The following ZRANB3 variants were observed in gnomAD, a reference collection of about 807,000 sequenced individuals.
The protein encoded by ZRANB3 is DNA annealing helicase and endonuclease ZRANB3.
In ZRANB3, 125 loss-of-function variants were observed where a neutral mutation model predicts 133.8. The observed-to-expected ratio is 0.93, with a 90% confidence interval of 0.81 to 1.08. The LOEUF (loss-of-function observed/expected upper bound fraction) is 1.08, where lower values mean the gene tolerates loss of function less well. Among genes scored for constraint, ZRANB3 ranks in the 50% least tolerant of loss-of-function variants. The pLI, the probability that ZRANB3 is intolerant of heterozygous loss-of-function variation, is 0.00. For missense variants in ZRANB3, 1,229 were observed against 1,275.5 expected (o/e 0.96, Z 0.56); for synonymous variants, 387 against 432.7 (o/e 0.89, Z 1.31).
At chr2:135,246,850 A>G (rs1298668852) in intron 12 of ZRANB3, among the ~76,000 whole-genome samples, 1 of 152,232 alleles carries the variant, frequency 6.6e-6, no homozygotes, top group Non-Finnish European at 1.5e-5. Flanking sequence ...AAAAGTTCAG[A>G]GTCCTAATCT....
intron 12 of ZRANB3, among the ~76,000 whole-genome samples, chr2:135,236,006 T>C (rs1009218351): frequency 1.3e-5 from 2 of 152,302 alleles, no homozygotes; most frequent in East Asian, 3.9e-4. Context: ...TTGTCCCTGT[T>C]TGCAGATGAC....
At chr2:135,349,357 G>A (rs556715064) in intron 5 of ZRANB3, among the ~76,000 whole-genome samples, 1 of 152,188 alleles carries the variant, frequency 6.6e-6, no homozygotes, top group Non-Finnish European at 1.5e-5. Context: ...AGTAAACAGA[G>A]CCTCCTTAAA....
At chr2:135,527,584 T>C (rs1186413001) in intron 1 of ZRANB3, among the ~76,000 whole-genome samples, 2 of 152,100 alleles carry the variant, frequency 1.3e-5, no homozygotes, top group African/African-American at 2.4e-5. Flanking sequence ...GTTAAGATGA[T>C]ATATTGTGTT....
At chr2:135,485,139 CAAAACAAACAAAACA>C (rs1692037183) in intron 2 of ZRANB3, among the ~76,000 whole-genome samples, 1 of 149,638 alleles carries the variant, frequency 6.7e-6, no homozygotes, top group African/African-American at 2.5e-5. Context: ...AGAAACAAAA[CAAAACAAACAAAACA>C]AAACAAAACA....
chr2:135,254,245 A>G (rs1679538788), intron 12 of ZRANB3, among the ~76,000 whole-genome samples: 1 of 152,188 alleles, frequency 6.6e-6, no homozygotes, highest in Non-Finnish European at 1.5e-5. Context: ...TTCCTAACAG[A>G]AACTTTCTCA....
intron 2 of ZRANB3, among the ~76,000 whole-genome samples, chr2:135,394,939 A>G (rs932403170): frequency 2.7e-5 from 4 of 146,896 alleles, no homozygotes; most frequent in Admixed American, 2.0e-4. Context: ...CAACATAGCA[A>G]GACCTTGTCT....
chr2:135,414,697 C>G (rs1460158732), intron 2 of ZRANB3, among the ~76,000 whole-genome samples: 8 of 151,972 alleles, frequency 5.3e-5, no homozygotes, highest in East Asian at 1.9e-4. Flanking sequence ...TGACCACATA[C>G]TTGGAAGTAA....
intron 8 of ZRANB3, among the ~76,000 whole-genome samples, chr2:135,305,826 CT>C (rs1411055227): frequency 1.3e-5 from 2 of 151,970 alleles, no homozygotes; most frequent in African/African-American, 4.8e-5. Flanking sequence ...TTCTCCTTTA[CT>C]TTTGAAGGAT....
intron 12 of ZRANB3, among the ~76,000 whole-genome samples, chr2:135,237,776 C>T (rs1180752604): frequency 6.6e-6 from 1 of 151,192 alleles, no homozygotes; most frequent in East Asian, 1.9e-4. Flanking sequence ...GAACATCACA[C>T]ACTGGGGCCT....
At chr2:135,232,224 G>A (rs914850368) in intron 12 of ZRANB3, among the ~76,000 whole-genome samples, 4 of 152,210 alleles carry the variant, frequency 2.6e-5, no homozygotes, top group Admixed American at 1.3e-4. Flanking sequence ...CAAACTGCAA[G>A]GCTGCAGTGA....
chr2:135,415,453 T>A (rs2104960623), intron 2 of ZRANB3, among the ~76,000 whole-genome samples: 1 of 152,204 alleles, frequency 6.6e-6, no homozygotes, highest in African/African-American at 2.4e-5. Flanking sequence ...CCTGAAATTG[T>A]GGCAATAATC....
At chr2:135,222,750 T>TA (rs1215971721) in intron 15 of ZRANB3, among the ~76,000 whole-genome samples, 1 of 151,984 alleles carries the variant, frequency 6.6e-6, no homozygotes, top group Non-Finnish European at 1.5e-5. Context: ...TTATTTTAAA[T>TA]AAAAAATGTT....
At chr2:135,372,089 ACCT>A (rs1330048363) in intron 3 of ZRANB3, among the ~76,000 whole-genome samples, 1 of 151,364 alleles carries the variant, frequency 6.6e-6, no homozygotes, top group Non-Finnish European at 1.5e-5. Flanking sequence ...AATCACCTGA[ACCT>A]GGGAAGCAGA....
intron 2 of ZRANB3, among the ~76,000 whole-genome samples, chr2:135,418,948 T>G (rs1688712026): frequency 8.3e-6 from 1 of 121,108 alleles, no homozygotes; most frequent in African/African-American, 4.3e-5. Context: ...TTTTTTTTTT[T>G]TTTTTTTGAG....
intron 2 of ZRANB3, among the ~76,000 whole-genome samples, chr2:135,446,784 A>G (rs1331842632): frequency 1.3e-5 from 2 of 152,354 alleles, no homozygotes; most frequent in African/African-American, 4.8e-5. Context: ...AAGGATCAAT[A>G]GATTGTAGGT....
At chr2:135,403,998 G>A (rs1395392523) in intron 2 of ZRANB3, among the ~76,000 whole-genome samples, 2 of 152,076 alleles carry the variant, frequency 1.3e-5, no homozygotes, top group Admixed American at 1.3e-4. Context: ...CACAAAGATG[G>A]GGAAAAAACA....
intron 20 of ZRANB3, among the ~76,000 whole-genome samples, chr2:135,200,955 C>T (rs924518124): frequency 6.6e-6 from 1 of 152,006 alleles, no homozygotes; most frequent in Non-Finnish European, 1.5e-5. Context: ...GGGGTTTTGC[C>T]ATGTTGGCCA....
chr2:135,207,969 G>A (rs1208786795), intron 18 of ZRANB3, 133 bp from the exon 19 acceptor site: 2 of 883,558 alleles, frequency 2.3e-6, no homozygotes, highest in African/African-American at 3.4e-5. Flanking sequence ...AAATAAAATA[G>A]TTACAGTCAG....
chr2:135,342,268 C>G (rs1329965911), intron 6 of ZRANB3, among the ~76,000 whole-genome samples: 2 of 149,782 alleles, frequency 1.3e-5, no homozygotes, highest in Non-Finnish European at 2.9e-5. Flanking sequence ...GCCGGTTCCC[C>G]CAATAGTGAT....
Sources: gnomAD v4.1 joint callset for allele counts (sites outside exome capture counted in the v4.1 genomes callset) on GRCh38, gnomAD v4.1.1 for gene constraint, MANE v1.5 for transcripts, NCBI Gene and HGNC (gene_info 2026-07-23, HGNC 2026-07-21) for gene names.